TRIM37: variants seen among roughly 807,000 people sequenced by gnomAD.
The protein encoded by TRIM37 is tripartite motif containing 37.
TRIM37 carries 80 observed loss-of-function variants against 129.8 expected under a neutral mutation model. That is an observed-to-expected ratio of 0.62 (90% CI 0.51 to 0.74). The LOEUF (loss-of-function observed/expected upper bound fraction) is 0.74, where lower values mean the gene tolerates loss of function less well. TRIM37 is among the 30% of genes least tolerant of loss of function. The pLI, the probability that TRIM37 is intolerant of heterozygous loss-of-function variation, is 0.00. For synonymous variants in TRIM37, 389 were observed against 387.1 expected, an observed-to-expected ratio of 1.00 and a Z score of -0.06; for missense variants, 1,054 against 1,176.5, an observed-to-expected ratio of 0.90 and a Z score of 1.52.
In TRIM37 at chr17:59,042,098, C is replaced by T. The variant is rs139415029; in HGVS notation, c.1668-200G>A. Among the ~76,000 whole-genome samples the T allele has an allele frequency of 5.8e-3, 877 of 151,974 alleles. 13 individuals carry two copies. Among genetic ancestry groups the T allele is most frequent in the African/African-American group, 0.02 (847 of 41,454 alleles). On this transcript the variant is annotated intron_variant, in intron 16 of 23. Transcript: ENST00000262294. The stretch of plus-strand genomic sequence containing the variant: ...TAAACAACCTTTAAAAAATATCGGC[C>T]GGGCGCGGTGGCTCATGCCTGTAAT...
Position 59,061,055 on chromosome 17 carries a change from T to A in TRIM37, c.996A>T (p.Ser332=). Residue 332 remains serine, a synonymous_variant, in exon 12 of 24, where the codon TCA becomes TCT. Transcript: ENST00000262294. ...GYYLSVFLEL[S]AGLPETSKYE... ...ACTTAGAAGTTTCAGGCAAGCCAGC[T>A]GAGAGCTCCAGAAACACAGATAAGT... The A allele has an allele frequency of 6.2e-7, 1 of 1,613,644 alleles. No homozygotes were observed. Among genetic ancestry groups the A allele is most frequent in the African/African-American group, 1.3e-5 (1 of 75,038 alleles).
At chr17:59,105,179 C>T (rs2045884579) in intron 1 of TRIM37, among the ~76,000 whole-genome samples, 1 of 151,848 alleles carries the variant, frequency 6.6e-6, no homozygotes, top group Non-Finnish European at 1.5e-5. Context: ...GCAATTTCCC[C>T]AAAAGGTATA....
In TRIM37 at chr17:59,083,980, A is replaced by G. The variant is rs1327919825; in HGVS notation, c.369+22T>C. 7.5e-6 allele frequency: 12 copies of G among 1,602,270 alleles called. No individual in the cohort carries two copies. The African/African-American group carries it at 9.4e-5, about 12-fold the overall frequency. ...CCTTCTAGCCTCTAACTTAAAAAAA[A>G]TACTGAATTTGTTCTGCTCACCATT... On this transcript the variant is annotated intron_variant, in intron 5 of 23. Transcript: ENST00000262294.
At chr17:59,040,401 GA>G (rs1244977739) in intron 17 of TRIM37, among the ~76,000 whole-genome samples, 3 of 152,102 alleles carry the variant, frequency 2.0e-5, no homozygotes, top group African/African-American at 7.2e-5. Flanking sequence ...AGAACCAACA[GA>G]TCTTGGTAAT....
chr17:59,078,287 G>A (rs962437165), intron 7 of TRIM37, among the ~76,000 whole-genome samples: 6 of 151,838 alleles, frequency 4.0e-5, no homozygotes, highest in Non-Finnish European at 8.8e-5. Context: ...AAGCTACCTT[G>A]GAAATCACAA....
chr17:58,982,878 CT>C, exon 25 of TRIM37: 1 of 1,564,470 alleles, frequency 6.4e-7, no homozygotes, highest in Non-Finnish European at 8.7e-7. Context: ...AAGCCTAGAT[CT>C]TGTTAACCCA....
At chr17:58,983,301 G>C (rs140209027) in intron 24 of TRIM37, 118 of 169,180 alleles carry the variant, frequency 7.0e-4, no homozygotes, top group African/African-American at 2.6e-3. Context: ...CACAACATGC[G>C]TATTTATAGA....
intron 19 of TRIM37, among the ~76,000 whole-genome samples, chr17:59,017,852 C>G (rs1182509770): frequency 2.6e-5 from 4 of 152,042 alleles, no homozygotes; most frequent in African/African-American, 9.7e-5. Context: ...TCTCGAACAC[C>G]TGAACTCAGG....
chr17:59,100,325 G>A (rs1401353585), intron 2 of TRIM37, among the ~76,000 whole-genome samples: 2 of 152,146 alleles, frequency 1.3e-5, no homozygotes, highest in African/African-American at 4.8e-5. Flanking sequence ...CACTGTAATA[G>A]CAAAAACTGT....
chr17:58,974,338 T>C, the TRIM37 span, among the ~76,000 whole-genome samples: 1 of 152,222 alleles, frequency 6.6e-6, no homozygotes, highest in Non-Finnish European at 1.5e-5. Flanking sequence ...AACTACTTTC[T>C]GTATGTGGAA....
chr17:58,992,209 C>T (rs1164440110), intron 24 of TRIM37, among the ~76,000 whole-genome samples: 1 of 147,870 alleles, frequency 6.8e-6, no homozygotes, highest in East Asian at 2.0e-4. Flanking sequence ...ATGTGAAGGC[C>T]CCTTGACTTC....
intron 21 of TRIM37, among the ~76,000 whole-genome samples, chr17:59,015,099 C>T (rs1212057182): frequency 2.3e-5 from 2 of 87,084 alleles, no homozygotes; most frequent in Non-Finnish European, 4.3e-5. Context: ...AGTACTATCT[C>T]ATCCCATTAA....
At chr17:59,009,868 T>C (rs1464269028) in intron 22 of TRIM37, among the ~76,000 whole-genome samples, 1 of 152,232 alleles carries the variant, frequency 6.6e-6, no homozygotes, top group African/African-American at 2.4e-5. Flanking sequence ...ATTCTGAGAA[T>C]AACAGAATAC....
chr17:59,099,637 T>C (rs1308041474), intron 2 of TRIM37, among the ~76,000 whole-genome samples: 2 of 152,086 alleles, frequency 1.3e-5, no homozygotes, highest in Non-Finnish European at 2.9e-5. Flanking sequence ...ACATCATTAC[T>C]CAACAGAGAA....
rs1007165078 is a variant in TRIM37, at chr17:59,070,715, G to C, written c.809+108C>G. ...AACAAGTGAGACCCTATCTATAAAAGAAAAGAGAGAGAGAGATGGCATTAA... is the reference window on the plus strand; with the variant it reads ...AACAAGTGAGACCCTATCTATAAAACAAAAGAGAGAGAGAGATGGCATTAA... On this transcript the variant is annotated intron_variant, in intron 9 of 23. Coordinates refer to ENST00000262294, the MANE Select transcript of TRIM37 (RefSeq NM_015294.6). 6 of 1,260,850 alleles carry C rather than the reference G, an allele frequency of 4.8e-6. No homozygotes were observed. In the African/African-American group the frequency reaches 7.6e-5, roughly 16 times the overall value. The allele number at this position is 1,260,850 out of a possible 1,614,324, so 78.1% of individuals were successfully genotyped here.
chr17:59,049,494 T>C (rs1035502786), intron 14 of TRIM37, 101 bp from the exon 15 acceptor site: 2 of 1,033,486 alleles, frequency 1.9e-6, no homozygotes, highest in Middle Eastern at 3.0e-4. Flanking sequence ...TCTAAAACCA[T>C]TGCTTTATTT....
the TRIM37 span, among the ~76,000 whole-genome samples, chr17:58,971,391 T>A: frequency 6.6e-6 from 1 of 152,206 alleles, no homozygotes; most frequent in Non-Finnish European, 1.5e-5. Context: ...TAACAGAAAG[T>A]CATGCTCATT....
At chr17:59,001,465 AAAAAG>A in intron 23 of TRIM37, 128 bp downstream of exon 23, 2 of 1,113,724 alleles carry the variant, frequency 1.8e-6, no homozygotes, top group Non-Finnish European at 2.5e-6. Context: ...AAAAAAAAAA[AAAAAG>A]AAGTAGAAGC....
chr17:58,979,893 G>A (rs2031262769), downstream of TRIM37: 11 of 1,103,254 alleles, frequency 1.0e-5, no homozygotes, highest in Non-Finnish European at 1.4e-5. Flanking sequence ...TGTGATCAGA[G>A]TCATGGCATT....
Sources: gnomAD v4.1 joint callset for allele counts (sites outside exome capture counted in the v4.1 genomes callset) on GRCh38, gnomAD v4.1.1 for gene constraint, MANE v1.5 for transcripts, NCBI Gene and HGNC (gene_info 2026-07-23, HGNC 2026-07-21) for gene names.